The following EPRS1 variants were observed in gnomAD, a reference collection of about 807,000 sequenced individuals.
The protein encoded by EPRS1 is glutamyl-prolyl-tRNA synthetase 1.
In EPRS1, 107 loss-of-function variants were observed where a neutral mutation model predicts 188.3. That is an observed-to-expected ratio of 0.57 (90% CI 0.49 to 0.67). EPRS1 has a LOEUF of 0.67. Ranked by LOEUF, EPRS1 falls within the 30% of genes least tolerant of loss-of-function variation. EPRS1 has a pLI of 0.00. For synonymous variants in EPRS1, 596 were observed against 593.1 expected (o/e 1.00, Z -0.07); for missense variants, 1,577 against 1,802.2 (o/e 0.88, Z 2.26).
chr1:219,982,771 C>T lies in EPRS1; in HGVS notation c.3373+1G>A. The T allele has an allele frequency of 6.2e-7, 1 of 1,613,716 alleles. No individual in the cohort carries two copies. Among genetic ancestry groups the T allele is most frequent in the Non-Finnish European group, 8.5e-7 (1 of 1,179,602 alleles). On this transcript the variant is annotated splice_donor_variant, in intron 23 of 31. Coordinates refer to ENST00000366923, the MANE Select transcript of EPRS1 (RefSeq NM_004446.3). LOFTEE classifies it high-confidence loss of function. ...TCTTGCACTCCAATGCCTATTCTCA[C>T]CTGTTTCACTAGTAGGACGAATGGC...
chr1:219,978,776 G>A, intron 27 of EPRS1, 57 bp from the exon 28 acceptor site: 1 of 1,384,136 alleles, frequency 7.2e-7, no homozygotes, highest in Non-Finnish European at 9.8e-7. Context: ...GAAGTAATGA[G>A]CTCTCAGAAG....
At chr1:219,973,816 A>C (rs1245292912) in intron 28 of EPRS1, among the ~76,000 whole-genome samples, 5 of 152,206 alleles carry the variant, frequency 3.3e-5, no homozygotes, top group African/African-American at 1.2e-4. Context: ...TCTGGTTGAA[A>C]AGTCCTCATT....
chr1:219,985,211 A>G (rs1660984612), intron 20 of EPRS1, among the ~76,000 whole-genome samples: 1 of 152,148 alleles, frequency 6.6e-6, no homozygotes, highest in South Asian at 2.1e-4. Flanking sequence ...TATTTGTAAT[A>G]GAGACACAGC....
intron 13 of EPRS1, among the ~76,000 whole-genome samples, chr1:220,007,807 G>C (rs559525040): frequency 6.6e-6 from 1 of 152,320 alleles, no homozygotes; most frequent in East Asian, 1.9e-4. Context: ...GCTCACACCT[G>C]TAATCCCAGC....
chr1:220,018,174 G>C (rs1661759675), intron 12 of EPRS1: 1 of 1,402,116 alleles, frequency 7.1e-7, no homozygotes, highest in Non-Finnish European at 9.4e-7. Flanking sequence ...GAAATGCAGA[G>C]TGTTCATAAA....
At position 219,983,292 on chromosome 1, in the gene EPRS1, G is replaced by A. The variant is rs767602791; in HGVS notation, c.3197C>T (p.Ala1066Val). The A allele has an allele frequency of 1.4e-5, 23 of 1,613,466 alleles. No homozygotes were observed. The highest frequency in any genetic ancestry group is 1.9e-5 in the Non-Finnish European group (22 of 1,179,480). The change falls in exon 22 of 32, where the codon GCT becomes GTT. Residue 1066 changes from alanine (A) to valine (V), a missense_variant. Around this residue, in one of 3 missense-constraint regions of EPRS1, gnomAD observed 1,278 missense variants for 1,457.4 expected, o/e 0.88. Transcript: ENST00000366923. ...TTCAACACCAAGTTTCTTGATCTCA[G>A]CATCAAAAAAGTCCTTGATGGCTTC... ...IWEAIKDFFD[A>V]EIKKLGVENC...
At position 220,010,983 on chromosome 1, in the gene EPRS1, G is replaced by T; in HGVS notation, c.1568C>A (p.Ala523Asp). The change falls in exon 13 of 32, where the codon GCT becomes GAT. Residue 523 changes from alanine (A) to aspartate (D), a missense_variant. Coordinates refer to ENST00000366923, the MANE Select transcript of EPRS1 (RefSeq NM_004446.3). ...KEVIPVNVPE[A>D]QEEMKEVAKH... ...GGCTACTTCTTTCATCTCCTCCTGA[G>T]CTTCAGGTACATTCACTGGGATCAC... 1 of 1,613,244 alleles carries T rather than the reference G, an allele frequency of 6.2e-7. No individual in the cohort carries two copies. The highest frequency in any genetic ancestry group is 8.5e-7 in the Non-Finnish European group (1 of 1,179,276).
chr1:219,996,213 C>T (rs1378437413), intron 18 of EPRS1, among the ~76,000 whole-genome samples: 1 of 152,142 alleles, frequency 6.6e-6, no homozygotes, highest in African/African-American at 2.4e-5. Context: ...AATGTTTTGC[C>T]TAAGGACATA....
rs376561190 is a variant in EPRS1, at chr1:220,018,940, A to C, written c.1434+55T>G. 5.3e-6 allele frequency: 6 copies of C among 1,123,474 alleles called. 1 individual carries two copies. The highest frequency in any genetic ancestry group is 3.1e-5 in the African/African-American group (2 of 65,390). 69.6% of individuals were successfully genotyped at this position (1,123,474 alleles called of 1,614,324 possible). A position where few individuals can be genotyped will look rare whatever the true frequency, so the allele number is the denominator to read the frequency against. ...AGATAATAAAGAGTAAAGGGACAGTAATAGAAGTACCTGAAATTTCAAACA... is the reference window on the plus strand; with the variant it reads ...AGATAATAAAGAGTAAAGGGACAGTCATAGAAGTACCTGAAATTTCAAACA... On this transcript the variant is annotated intron_variant, in intron 11 of 31. Coordinates refer to ENST00000366923, the MANE Select transcript of EPRS1 (RefSeq NM_004446.3).
Position 220,019,028 on chromosome 1 carries a change from T to C in EPRS1, c.1401A>G (p.Thr467=). The change falls in exon 11 of 32, where the codon ACA becomes ACG. Residue 467 remains threonine (T), a synonymous_variant. Transcript: ENST00000366923. ...TVRGVLRRGM[T]VEGLKQFIAA... is the part of the protein sequence containing the mutation. ...CAATAAACTGTTTCAGTCCTTCAAC[T>C]GTCATCCCTCTTCTCAGTACACCAC... 6.2e-7 allele frequency: 1 copy of C among 1,613,358 alleles called. No individual in the cohort carries two copies. The highest frequency in any genetic ancestry group is 8.5e-7 in the Non-Finnish European group (1 of 1,179,392).
rs1484314513 is a variant in EPRS1, at chr1:220,018,652, T to A, written c.1435-144A>T. The A allele has an allele frequency of 1.8e-5, 12 of 657,168 alleles. No homozygotes were observed. The Admixed American group carries it at 2.8e-4, about 15-fold the overall frequency. The allele number at this position is 657,168 out of a possible 1,614,324, so 40.7% of individuals were successfully genotyped here. A position where few individuals can be genotyped will look rare whatever the true frequency, so the allele number is the denominator to read the frequency against. ...ACTTCTAGTGAAATATAAAACTCAG[T>A]GTATACAAACTAATTTGGTTACCCT... On this transcript the variant is annotated intron_variant, in intron 11 of 31. Coordinates refer to ENST00000366923, the MANE Select transcript of EPRS1 (RefSeq NM_004446.3).
chr1:220,005,509 G>A (rs563944836), intron 15 of EPRS1, 149 bp from the exon 16 acceptor site: 9 of 468,968 alleles, frequency 1.9e-5, no homozygotes, highest in South Asian at 4.2e-5. Context: ...ACAATGAAAC[G>A]GTGAAGTGTT....
At chr1:220,031,478 CAT>C (rs1299252871) in intron 5 of EPRS1, among the ~76,000 whole-genome samples, 10 of 152,188 alleles carry the variant, frequency 6.6e-5, no homozygotes, top group Non-Finnish European at 1.3e-4. Context: ...AATCTACACA[CAT>C]GAGAAGTCAT....
At chr1:220,046,225 G>T in intron 1 of EPRS1, 118 bp downstream of exon 1, 1 of 1,245,314 alleles carries the variant, frequency 8.0e-7, no homozygotes, top group Non-Finnish European at 1.1e-6. Context: ...GCGAGGGGCA[G>T]GTCCAACATC....
At chr1:220,029,803 T>C (rs1276614327) in intron 6 of EPRS1, among the ~76,000 whole-genome samples, 4 of 152,176 alleles carry the variant, frequency 2.6e-5, no homozygotes, top group Non-Finnish European at 5.9e-5. Flanking sequence ...TGGGGAATGG[T>C]GGGCAAGGGC....
Position 219,997,082 on chromosome 1 carries a change from A to T in EPRS1, c.2442T>A (p.Ser814=). Reference sequence around the variant, plus strand: ...TTTCCAGAATACTTGCTGAGGAATTAGAAGAAATATTCTGTCCTATTTCAG... The same window carrying T: ...TTTCCAGAATACTTGCTGAGGAATTTGAAGAAATATTCTGTCCTATTTCAG... The part of the protein sequence containing the change: ...PPAEIGQNIS[S]NSSASILESK... Residue 814 remains serine, a synonymous_variant, in exon 18 of 32, where the codon TCT becomes TCA. Coordinates refer to ENST00000366923, the MANE Select transcript of EPRS1 (RefSeq NM_004446.3). 6.2e-7 allele frequency: 1 copy of T among 1,614,058 alleles called. No homozygotes were observed. The highest frequency in any genetic ancestry group is 8.5e-7 in the Non-Finnish European group (1 of 1,179,942).
intron 1 of EPRS1, among the ~76,000 whole-genome samples, chr1:220,042,071 C>CTTGGGAGGCTG: frequency 6.6e-6 from 1 of 151,376 alleles, no homozygotes; most frequent in East Asian, 2.0e-4. Context: ...GTCCCAGCTA[C>CTTGGGAGGCTG]TTGGGAGGCT....
chr1:220,034,738 A>G (rs993733300), intron 3 of EPRS1, among the ~76,000 whole-genome samples, 176 bp downstream of exon 3: 1 of 152,244 alleles, frequency 6.6e-6, no homozygotes, highest in Non-Finnish European at 1.5e-5. Context: ...TTACAAAAAA[A>G]GAATTTTTTT....
chr1:219,983,562 G>C (rs1327790443), intron 21 of EPRS1, among the ~76,000 whole-genome samples, 164 bp from the exon 22 acceptor site: 1 of 152,088 alleles, frequency 6.6e-6, no homozygotes, highest in Non-Finnish European at 1.5e-5. Context: ...TGACTATACT[G>C]AAAAACAACA....
Sources: gnomAD v4.1 joint callset for allele counts (sites outside exome capture counted in the v4.1 genomes callset) on GRCh38, gnomAD v4.1.1 for gene constraint, gnomAD v4.1.1 regional missense constraint, MANE v1.5 for transcripts, NCBI Gene and HGNC (gene_info 2026-07-23, HGNC 2026-07-21) for gene names.